The following PUS1 variants were observed in gnomAD, a reference collection of about 807,000 sequenced individuals.
PUS1 encodes the protein pseudouridylate synthase 1 homolog.
In PUS1, 25 loss-of-function variants were observed where a neutral mutation model predicts 38.5. That is an observed-to-expected ratio of 0.65 (90% CI 0.47 to 0.91). PUS1 has a LOEUF of 0.91. Ranked by LOEUF, PUS1 falls within the 40% of genes least tolerant of loss-of-function variation. The pLI is 0.00. For missense variants in PUS1, 597 were observed against 612.3 expected (o/e 0.97, Z 0.26); for synonymous variants, 282 against 260.4 (o/e 1.08, Z -0.80).
chr12:131,944,820 A>T lies in PUS1; in HGVS notation c.*1234A>T, dbSNP rs1288669368. The T allele has an allele frequency of 6.6e-6, 1 of 152,352 alleles. No individual in the cohort carries two copies. Among genetic ancestry groups the T allele is most frequent in the African/African-American group, 2.4e-5 (1 of 41,476 alleles). The allele number at this position is 152,352 out of a possible 1,614,324, so 9.4% of individuals were successfully genotyped here. A position where few individuals can be genotyped will look rare whatever the true frequency, so the allele number is the denominator to read the frequency against. ...GGAAGACCCCACCAGCCGCTGCTGC[A>T]CGTCATTGGTCACAGGTGCATCCAG... On this transcript the variant is annotated 3_prime_UTR_variant, in exon 6 of 6. Transcript: ENST00000376649.
At position 131,939,215 on chromosome 12, in the gene PUS1, C is replaced by T; in HGVS notation, c.484C>T (p.Leu162=). 6.4e-7 allele frequency: 1 copy of T among 1,562,408 alleles called. No homozygotes were observed. The change falls in exon 4 of 6, where the codon CTG becomes TTG. Residue 162 remains leucine, a synonymous_variant. Coordinates refer to ENST00000376649, the MANE Select transcript of PUS1 (RefSeq NM_025215.6). The part of the protein sequence containing the change: ...AGQVVSLKVW[L]IDDILEKINS... ...CCAGGTGGTATCCCTGAAGGTGTGG[C>T]TGATTGACGACATTCTAGAAAAGAT...
chr12:131,939,237 A>G lies in PUS1; in HGVS notation c.506A>G (p.Lys169Arg), dbSNP rs1178046111. 6.4e-7 allele frequency: 1 copy of G among 1,561,204 alleles called. No homozygotes were observed. Among genetic ancestry groups the G allele is most frequent in the East Asian group, 2.4e-5 (1 of 41,436 alleles). Reference sequence around the variant, plus strand: ...TGGCTGATTGACGACATTCTAGAAAAGATCAACAGCCACCTTCCCTCTCAC... The same window carrying G: ...TGGCTGATTGACGACATTCTAGAAAGGATCAACAGCCACCTTCCCTCTCAC... ...KVWLIDDILE[K>R]INSHLPSHIR... The change falls in exon 4 of 6, where the codon AAG (lysine) becomes AGG (arginine). Residue 169 changes from lysine (K) to arginine (R), a missense_variant. Coordinates refer to ENST00000376649, the MANE Select transcript of PUS1 (RefSeq NM_025215.6).
At chr12:131,942,344 A>G (rs1891113970) in intron 5 of PUS1, among the ~76,000 whole-genome samples, 1 of 152,134 alleles carries the variant, frequency 6.6e-6, no homozygotes, top group African/African-American at 2.4e-5. Context: ...AGTGAATGAA[A>G]ATGTCATTCT....
rs1224860509 is a variant in PUS1 at position 131,944,026 on chromosome 12, C to T, written c.*440C>T. On this transcript the variant is annotated 3_prime_UTR_variant, in exon 6 of 6. Coordinates refer to ENST00000376649, the MANE Select transcript of PUS1 (RefSeq NM_025215.6). ...ACTTGGGAGGCTGAGGTGGGCAGAT[C>T]GCTTGAGTACAGGAGTTCCAGACCA... is the stretch of plus-strand genomic sequence containing the variant. 2.5e-5 allele frequency: 6 copies of T among 236,588 alleles called. No individual in the cohort carries two copies. Among genetic ancestry groups the T allele is most frequent in the Non-Finnish European group, 5.1e-5 (6 of 117,950 alleles). The allele number at this position is 236,588 out of a possible 1,614,324, so 14.7% of individuals were successfully genotyped here.
intron 3 of PUS1, among the ~76,000 whole-genome samples, chr12:131,938,319 T>C (rs1373412808): frequency 6.6e-6 from 1 of 152,006 alleles, no homozygotes; most frequent in Non-Finnish European, 1.5e-5. Flanking sequence ...GTGGTGCCTG[T>C]CTGTAGTCTC....
Position 131,941,421 on chromosome 12 carries a change from G to A in PUS1, c.674G>A (p.Ser225Asn), listed in dbSNP as rs1891059140. Residue 225 changes from serine (S) to asparagine (N), a missense_variant, in exon 5 of 6, where the codon AGC (serine) becomes AAC (asparagine). Ser to Asn is a conservative substitution (Grantham distance 46). Transcript: ENST00000376649. This position sits in a 1 kb window ranked among gnomAD's most constrained non-coding sequence, Gnocchi z 4.4. ...RDVQDETYRL[S>N]AETLQQVNRL... ...GTTCAGGATGAGACCTACCGCCTGAGCGCCGAGACGCTGCAGCAGGTCAAC... is the reference window on the plus strand; with the variant it reads ...GTTCAGGATGAGACCTACCGCCTGAACGCCGAGACGCTGCAGCAGGTCAAC... 6.2e-7 allele frequency: 1 copy of A among 1,614,122 alleles called. No homozygotes were observed. Among genetic ancestry groups the A allele is most frequent in the African/African-American group, 1.3e-5 (1 of 75,060 alleles).
chr12:131,930,947 C>T (rs964083905), intron 2 of PUS1, among the ~76,000 whole-genome samples: 7 of 152,140 alleles, frequency 4.6e-5, no homozygotes, highest in Admixed American at 6.6e-5. Context: ...AGGCATGAGC[C>T]ACTGCGACTG....
chr12:131,931,734 T>G, intron 2 of PUS1: 1 of 235,124 alleles, frequency 4.3e-6, no homozygotes, highest in Non-Finnish European at 8.5e-6. Flanking sequence ...TTTCACCATG[T>G]TGGCCAGACT....
Position 131,929,390 on chromosome 12 carries a change from C to T in PUS1, c.-333C>T. On this transcript the variant is annotated 5_prime_UTR_variant, in exon 1 of 6. Transcript: ENST00000376649. ...CCGGGCGGGGCGGGAGGTGAAGAGG[C>T]TGGGGAAGTCAGAGGTTAACCTGGG... 3.1e-6 allele frequency: 1 copy of T among 322,712 alleles called. No individual in the cohort carries two copies. Among genetic ancestry groups the T allele is most frequent in the Non-Finnish European group, 5.7e-6 (1 of 176,578 alleles). The allele number at this position is 322,712 out of a possible 1,614,324, so 20.0% of individuals were successfully genotyped here.
At chr12:131,942,460 G>A (rs999834371) in intron 5 of PUS1, among the ~76,000 whole-genome samples, 43 of 152,182 alleles carry the variant, frequency 2.8e-4, no homozygotes, top group African/African-American at 8.2e-4. Context: ...AGGCTGGAGT[G>A]CAGTGGCGCG....
At chr12:131,931,817 C>T in intron 2 of PUS1, 1 of 494,190 alleles carries the variant, frequency 2.0e-6, no homozygotes, top group Non-Finnish European at 3.7e-6. Context: ...AGGTGTGAGC[C>T]ACTGCACCTG....
chr12:131,942,618 G>A (rs1234076302), intron 5 of PUS1, among the ~76,000 whole-genome samples: 13 of 152,294 alleles, frequency 8.5e-5, no homozygotes, highest in South Asian at 2.1e-4. Flanking sequence ...ATGTTAGCCA[G>A]GATGGTCTTG....
At chr12:131,937,618 C>T (rs998448299) in intron 3 of PUS1, among the ~76,000 whole-genome samples, 15 of 152,214 alleles carry the variant, frequency 9.9e-5, no homozygotes, top group Non-Finnish European at 2.9e-5. Context: ...TCAGGCGATC[C>T]GCCTGCCCCG....
chr12:131,932,399 T>C, intron 3 of PUS1, 87 bp downstream of exon 3: 2 of 1,452,016 alleles, frequency 1.4e-6, no homozygotes, highest in Non-Finnish European at 1.9e-6. Flanking sequence ...CTTGTTATGC[T>C]GTTTCTGAGC....
chr12:131,932,069 A>G (rs974412024), intron 2 of PUS1, 106 bp from the exon 3 acceptor site: 1 of 935,072 alleles, frequency 1.1e-6, no homozygotes, highest in Non-Finnish European at 1.7e-6. Context: ...TCAGCACTTC[A>G]GGAGGCCAGA....
Position 131,941,604 on chromosome 12 carries a change from G to C in PUS1, c.857G>C (p.Gly286Ala). 6.2e-7 allele frequency: 1 copy of C among 1,614,216 alleles called. No individual in the cohort carries two copies. Among genetic ancestry groups the C allele is most frequent in the Non-Finnish European group, 8.5e-7 (1 of 1,180,030 alleles). ...GLEFAVIRVK[G>A]QSFMMHQIRK... ...GAGTTTGCGGTGATCAGGGTGAAGG[G>C]CCAGAGCTTCATGATGCATCAGATC... Residue 286 changes from glycine (G) to alanine (A), a missense_variant, in exon 5 of 6, where the codon GGC becomes GCC. Coordinates refer to ENST00000376649, the MANE Select transcript of PUS1 (RefSeq NM_025215.6). The surrounding 1 kb of genome is among the most constrained non-coding windows in gnomAD (Gnocchi z 4.4).
At chr12:131,936,622 C>T (rs141195082) in intron 3 of PUS1, among the ~76,000 whole-genome samples, 114 of 151,806 alleles carry the variant, frequency 7.5e-4, no homozygotes, top group Non-Finnish European at 1.3e-3. Context: ...GGTGTGGTGG[C>T]TCACGCCTGT....
rs758949898 is a variant in PUS1, at chr12:131,929,957, G to T, written c.125G>T (p.Cys42Phe). 1.3e-6 allele frequency: 2 copies of T among 1,516,562 alleles called. No individual in the cohort carries two copies. The highest frequency in any genetic ancestry group is 2.6e-5 in the East Asian group (1 of 37,874). The allele number at this position is 1,516,562 out of a possible 1,614,324, so 93.9% of individuals were successfully genotyped here. The change falls in exon 2 of 6, where the codon TGC becomes TTC. Residue 42 changes from cysteine (C) to phenylalanine (F), a missense_variant. Coordinates refer to ENST00000376649, the MANE Select transcript of PUS1 (RefSeq NM_025215.6). ...NAEPPPAGAA[C>F]PQDRRSCSGR... ...GAGCCGCCGCCCGCCGGAGCCGCATGCCCCCAGGACCGGAGGTCCTGCAGC... is the reference window on the plus strand; with the variant it reads ...GAGCCGCCGCCCGCCGGAGCCGCATTCCCCCAGGACCGGAGGTCCTGCAGC...
chr12:131,941,995 G>A lies in PUS1; in HGVS notation c.1236+12G>A, dbSNP rs1692775570. 6.2e-7 allele frequency: 1 copy of A among 1,605,898 alleles called. No individual in the cohort carries two copies. Among genetic ancestry groups the A allele is most frequent in the Non-Finnish European group, 8.5e-7 (1 of 1,175,648 alleles). Reference sequence around the variant, plus strand: ...GCACGGGCGCCAAGGTAGGGGCACAGTCCCAGCAGTGCTCAGCAGAACACA... The same window carrying A: ...GCACGGGCGCCAAGGTAGGGGCACAATCCCAGCAGTGCTCAGCAGAACACA... On this transcript the variant is annotated intron_variant, in intron 5 of 5. Coordinates refer to ENST00000376649, the MANE Select transcript of PUS1 (RefSeq NM_025215.6). The surrounding 1 kb of genome is among the most constrained non-coding windows in gnomAD (Gnocchi z 4.4).
Sources: gnomAD v4.1 joint callset for allele counts (sites outside exome capture counted in the v4.1 genomes callset) on GRCh38, gnomAD v4.1.1 for gene constraint, Gnocchi (gnomAD v3.1) non-coding constraint, MANE v1.5 for transcripts, NCBI Gene and HGNC (gene_info 2026-07-23, HGNC 2026-07-21) for gene names.